Variants in VPS35L observed in about 807,000 individuals in gnomAD.
VPS35L encodes VPS35 endosomal protein-sorting factor-like.
A neutral mutation model predicts 133.0 loss-of-function variants in VPS35L; 83 were observed. The observed-to-expected ratio is 0.62, with a 90% confidence interval of 0.52 to 0.75. The LOEUF is 0.75. Among genes scored for constraint, VPS35L ranks in the 30% least tolerant of loss-of-function variants. The pLI, the probability that VPS35L is intolerant of heterozygous loss-of-function variation, is 0.00. For missense variants in VPS35L, 1,083 were observed against 1,206.8 expected, an observed-to-expected ratio of 0.90 and a Z score of 1.52; for synonymous variants, 423 against 449.9, an observed-to-expected ratio of 0.94 and a Z score of 0.76.
intron 27 of VPS35L, among the ~76,000 whole-genome samples, chr16:19,678,344 A>G (rs1975134399): frequency 6.6e-6 from 1 of 151,900 alleles, no homozygotes; most frequent in South Asian, 2.1e-4. Flanking sequence ...CTTGGGAGGT[A>G]GCCCTGCCAG....
At chr16:19,566,188 G>A (rs778109072) in intron 2 of VPS35L, among the ~76,000 whole-genome samples, 5 of 152,066 alleles carry the variant, frequency 3.3e-5, no homozygotes, top group Non-Finnish European at 4.4e-5. Context: ...TCAGGTGCCC[G>A]TTCCCCATGT....
chr16:19,647,782 A>C lies in VPS35L; in HGVS notation c.1930-2A>C. On this transcript the variant is annotated splice_acceptor_variant, in intron 23 of 30. Transcript: ENST00000417362. LOFTEE classifies it high-confidence loss of function. ...TTTCAGCGTCTTTCTCCTTGATTCT[A>C]GGTTTCCTTTGGCCGTGATTTTGAA... 1.9e-6 allele frequency: 3 copies of C among 1,612,988 alleles called. No individual in the cohort carries two copies. The highest frequency in any genetic ancestry group is 2.5e-6 in the Non-Finnish European group (3 of 1,179,160).
At position 19,687,647 on chromosome 16, in the gene VPS35L, G is replaced by A. The variant is rs142396566; in HGVS notation, c.2528-3706G>A. Among the ~76,000 whole-genome samples, 1,117 of 152,118 alleles carry A rather than the reference G, an allele frequency of 7.3e-3. 5 individuals are homozygous for A. Among genetic ancestry groups the A allele is most frequent in the Non-Finnish European group, 0.012 (797 of 68,006 alleles). On this transcript the variant is annotated intron_variant, in intron 28 of 30. Coordinates refer to ENST00000417362, the MANE Select transcript of VPS35L (RefSeq NM_020314.7). ...GATTCCTGTGATCAGAGAAGCTGGGGAACAAAGGAAACCAGTTGTTCTCCT... is the reference window on the plus strand; with the variant it reads ...GATTCCTGTGATCAGAGAAGCTGGGAAACAAAGGAAACCAGTTGTTCTCCT...
chr16:19,682,425 A>G (rs1975317356), intron 28 of VPS35L, 35 bp downstream of exon 28: 4 of 1,587,210 alleles, frequency 2.5e-6, no homozygotes, highest in Admixed American at 3.6e-5. Flanking sequence ...CATGCTCCGC[A>G]TGGATTTCAT....
In VPS35L at chr16:19,618,128, T is replaced by G. The variant is rs551975377; in HGVS notation, c.1224+1320T>G. ...AAAAAGACTGTGATAGATGAAGCTT[T>G]CCTTGTCTTTATTTGATCATTGAAA... On this transcript the variant is annotated intron_variant, in intron 14 of 30. Transcript: ENST00000417362. 2.7e-5 allele frequency: 4 copies of G among 150,060 alleles called. No individual in the cohort carries two copies. The East Asian group carries it at 7.8e-4, about 29-fold the overall frequency. 9.3% of individuals were successfully genotyped at this position (150,060 alleles called of 1,614,324 possible).
chr16:19,584,877 T>C (rs1257480639), intron 7 of VPS35L, among the ~76,000 whole-genome samples: 2 of 152,030 alleles, frequency 1.3e-5, no homozygotes, highest in African/African-American at 4.8e-5. Context: ...TTTTTGATAG[T>C]AGTCATTTTC....
intron 29 of VPS35L, among the ~76,000 whole-genome samples, chr16:19,697,294 C>G (rs1341762741): frequency 6.6e-6 from 1 of 152,140 alleles, no homozygotes; most frequent in African/African-American, 2.4e-5. Context: ...GCCGAAGAGT[C>G]TTAATTACCA....
intron 27 of VPS35L, among the ~76,000 whole-genome samples, chr16:19,678,247 T>C (rs1380060394): frequency 1.9e-4 from 29 of 152,110 alleles, no homozygotes; most frequent in Non-Finnish European, 2.9e-5. Flanking sequence ...ATTGCTGATG[T>C]GGTAGGTGTT....
intron 2 of VPS35L, among the ~76,000 whole-genome samples, chr16:19,566,063 GA>G (rs1971178584): frequency 1.3e-5 from 2 of 152,162 alleles, no homozygotes; most frequent in African/African-American, 2.4e-5. Context: ...GTATGGAGAT[GA>G]TTGCATAAAG....
intron 27 of VPS35L, among the ~76,000 whole-genome samples, chr16:19,670,090 T>C (rs1974826201): frequency 6.6e-6 from 1 of 152,180 alleles, no homozygotes; most frequent in Admixed American, 6.5e-5. Flanking sequence ...CTCAGCCTCC[T>C]GAGCAGCTGG....
intron 29 of VPS35L, 52 bp downstream of exon 29, chr16:19,691,523 T>G (rs763582012): frequency 6.1e-6 from 9 of 1,463,552 alleles, no homozygotes; most frequent in African/African-American, 1.4e-5. Context: ...AAGCACAAGT[T>G]TCCAGGGTGG....
chr16:19,690,633 T>TCC (rs761782389), intron 28 of VPS35L, among the ~76,000 whole-genome samples: 11 of 152,104 alleles, frequency 7.2e-5, no homozygotes, highest in South Asian at 6.2e-4. Context: ...CCTCTGAGCC[T>TCC]CATCTCCCTA....
At chr16:19,621,001 A>G (rs117918972) in intron 14 of VPS35L, among the ~76,000 whole-genome samples, 435 of 152,246 alleles carry the variant, frequency 2.9e-3, no homozygotes, top group Admixed American at 5.1e-3. Context: ...AACAGAAAAC[A>G]AAAACAGACA....
Position 19,633,083 on chromosome 16 carries a change from C to T in VPS35L, c.1555-9C>T, listed in dbSNP as rs572000185. The stretch of plus-strand genomic sequence containing the variant: ...TCTAATTCAGGTTTGGTTCCTTTTT[C>T]CTGCTTAGAAACGAGAGGTGAATAC... On this transcript the variant is annotated splice_polypyrimidine_tract_variant and intron_variant, in intron 18 of 30. Coordinates refer to ENST00000417362, the MANE Select transcript of VPS35L (RefSeq NM_020314.7). The surrounding 1 kb of genome is among the most constrained non-coding windows in gnomAD (Gnocchi z 4.1). 6.2e-7 allele frequency: 1 copy of T among 1,613,704 alleles called. No homozygotes were observed. The highest frequency in any genetic ancestry group is 1.3e-5 in the African/African-American group (1 of 75,008).
intron 7 of VPS35L, among the ~76,000 whole-genome samples, chr16:19,588,736 C>T (rs1971950845): frequency 6.6e-6 from 1 of 150,492 alleles, no homozygotes; most frequent in African/African-American, 2.4e-5. Context: ...TGGACAATGT[C>T]ACTGTGAGCA....
chr16:19,569,689 GAC>G (rs1458468059), intron 3 of VPS35L, 98 bp downstream of exon 3: 5 of 1,271,104 alleles, frequency 3.9e-6, no homozygotes, highest in Non-Finnish European at 4.2e-6. Flanking sequence ...TCCCCTGAGA[GAC>G]AGAGTCTCAC....
chr16:19,679,444 G>A (rs916529489), intron 27 of VPS35L, among the ~76,000 whole-genome samples: 2 of 143,998 alleles, frequency 1.4e-5, no homozygotes, highest in Non-Finnish European at 3.0e-5. Flanking sequence ...AACAATATTT[G>A]TTATGTTGCC....
At chr16:19,563,300 A>T (rs771525797) in intron 1 of VPS35L, among the ~76,000 whole-genome samples, 62 of 150,820 alleles carry the variant, frequency 4.1e-4, no homozygotes, top group Non-Finnish European at 7.7e-4. Flanking sequence ...GAAGATGCCA[A>T]CTCTCAAAAA....
chr16:19,645,107 C>T (rs1016646794), intron 23 of VPS35L, among the ~76,000 whole-genome samples, 158 bp downstream of exon 23: 18 of 151,632 alleles, frequency 1.2e-4, no homozygotes, highest in Non-Finnish European at 1.5e-5. Flanking sequence ...CAGGACTCCC[C>T]TGGGGGCAAA....
Sources: allele counts gnomAD v4.1 joint callset (sites outside exome capture counted in the v4.1 genomes callset), GRCh38; gene constraint gnomAD v4.1.1; non-coding constraint Gnocchi (gnomAD v3.1); transcripts MANE v1.5; gene names NCBI Gene and HGNC (gene_info 2026-07-23, HGNC 2026-07-21).